PRSS3: variants seen among roughly 807,000 people sequenced by gnomAD.
The protein encoded by PRSS3 is trypsin-3.
Under a neutral mutation model 20.8 loss-of-function variants are expected in PRSS3, and 14 were observed. The observed-to-expected ratio is 0.67, with a 90% confidence interval of 0.44 to 1.05. The LOEUF is 1.05. PRSS3 is among the 50% of genes least tolerant of loss of function. The pLI is 0.00. For synonymous variants in PRSS3, 91 were observed against 117.6 expected, an observed-to-expected ratio of 0.77 and a Z score of 1.46; for missense variants, 237 against 306.4, an observed-to-expected ratio of 0.77 and a Z score of 1.69.
chr9:33,757,912 A>C (rs1281016251), intron 1 of PRSS3, among the ~76,000 whole-genome samples: 2 of 152,186 alleles, frequency 1.3e-5, no homozygotes, highest in African/African-American at 4.8e-5. Context: ...AACAAACTTG[A>C]AAGATATCTA....
chr9:33,794,712 G>A, upstream of PRSS3: 3 of 1,525,122 alleles, frequency 2.0e-6, no homozygotes. Context: ...TCAGCCCTGA[G>A]CAGGTGAGTC....
chr9:33,786,802 C>T (rs1824431489), intron 1 of PRSS3: 1 of 762,064 alleles, frequency 1.3e-6, no homozygotes, highest in East Asian at 2.4e-5. Flanking sequence ...CTGAAGACAG[C>T]AGCATATACC....
chr9:33,775,667 A>G (rs185541052), intron 1 of PRSS3, among the ~76,000 whole-genome samples: 28 of 151,976 alleles, frequency 1.8e-4, no homozygotes, highest in Non-Finnish European at 3.2e-4. Context: ...ACACAGATCA[A>G]CTAACAGGGG....
rs539229725 is a variant in PRSS3, at chr9:33,784,404, C to T, written c.-52-10342C>T. On this transcript the variant is annotated intron_variant, in intron 1 of 5. Coordinates refer to the PRSS3 transcript ENST00000342836. ...TCAAGAAAAACTGAAATATTCTATA[C>T]GTTTTACTACTTCCACTTAGCAGAG... 2.6e-5 allele frequency among the ~76,000 whole-genome samples: 4 copies of T among 152,282 alleles called. No individual in the cohort carries two copies. In the South Asian group the frequency reaches 8.3e-4, roughly 32 times the overall value.
At chr9:33,793,241 T>C (rs552712228), upstream of PRSS3, among the ~76,000 whole-genome samples, 1 of 152,336 alleles carries the variant, frequency 6.6e-6, no homozygotes, top group African/African-American at 2.4e-5. Context: ...CAAAAAAAGT[T>C]TCCATCTTCT....
At chr9:33,793,578 G>C (rs1824740507), upstream of PRSS3, 1 of 650,476 alleles carries the variant, frequency 1.5e-6, no homozygotes, top group Non-Finnish European at 1.9e-6. Context: ...ATTTCTGCCA[G>C]GAAGAAAAGC....
rs573155654 is a variant in PRSS3, at chr9:33,798,405, A to G, written c.455-81A>G. 471 of 1,584,890 alleles carry G rather than the reference A, an allele frequency of 3.0e-4. 5 individuals carry two copies. In the South Asian group the frequency reaches 4.6e-3, roughly 16 times the overall value. Reference sequence around the variant, plus strand: ...TCTCCAGAGGCAGTGTTCCTCTTCAATGTTCCATCCCAGATTATTGTCTCC... The same window carrying G: ...TCTCCAGAGGCAGTGTTCCTCTTCAGTGTTCCATCCCAGATTATTGTCTCC... On this transcript the variant is annotated intron_variant, in intron 3 of 4. Transcript: ENST00000379405.
At chr9:33,759,397 A>G (rs886334431) in intron 1 of PRSS3, among the ~76,000 whole-genome samples, 1 of 152,160 alleles carries the variant, frequency 6.6e-6, no homozygotes. Context: ...TGAGAGCCCA[A>G]ATGAGATCAT....
intron 2 of PRSS3, 135 bp downstream of exon 2, chr9:33,796,937 T>G: frequency 1.4e-6 from 2 of 1,432,024 alleles, no homozygotes; most frequent in East Asian, 4.8e-5. Context: ...TGACAGCAGC[T>G]GACTCTCCAG....
rs1464366875 is a variant in PRSS3 at position 33,799,091 on chromosome 9, G to A, written c.655G>A (p.Gly219Ser). The A allele has an allele frequency of 6.2e-6, 10 of 1,613,810 alleles. No individual in the cohort carries two copies. Among genetic ancestry groups the A allele is most frequent in the Non-Finnish European group, 8.5e-6 (10 of 1,179,928 alleles). ...QLQGVVSWGH[G>S]CAWKNRPGVY... is the part of the protein sequence containing the mutation. ...CCAAGGAGTTGTCTCCTGGGGCCATGGCTGTGCCTGGAAGAACAGGCCTGG... is the reference window on the plus strand; with the variant it reads ...CCAAGGAGTTGTCTCCTGGGGCCATAGCTGTGCCTGGAAGAACAGGCCTGG... The change falls in exon 5 of 5, where the codon GGC (glycine) becomes AGC (serine). Residue 219 changes from glycine (G) to serine (S), a missense_variant. Coordinates refer to ENST00000379405, the MANE Select transcript of PRSS3 (RefSeq NM_002771.4).
intron 1 of PRSS3, among the ~76,000 whole-genome samples, chr9:33,773,098 T>A (rs1003725238): frequency 6.6e-6 from 1 of 152,238 alleles, no homozygotes; most frequent in Non-Finnish European, 1.5e-5. Context: ...TTCCTCTCTC[T>A]TCTTCTGTGC....
chr9:33,755,258 T>G (rs547912561), intron 1 of PRSS3, among the ~76,000 whole-genome samples: 4 of 152,358 alleles, frequency 2.6e-5, no homozygotes, highest in African/African-American at 9.6e-5. Context: ...ATTACTTTAT[T>G]TTTTAATTTT....
chr9:33,786,305 G>A, intron 1 of PRSS3: 4 of 573,218 alleles, frequency 7.0e-6, no homozygotes, highest in East Asian at 2.9e-5. Context: ...GCTGGGTAGA[G>A]AGGTGGAAAG....
intron 1 of PRSS3, among the ~76,000 whole-genome samples, chr9:33,782,524 A>G (rs1824229603): frequency 6.6e-6 from 1 of 152,218 alleles, no homozygotes. Context: ...ACTCTAGAAT[A>G]ATCAAAACGT....
chr9:33,781,207 C>A (rs910136845), intron 1 of PRSS3, among the ~76,000 whole-genome samples: 15 of 152,158 alleles, frequency 9.9e-5, no homozygotes, highest in African/African-American at 3.6e-4. Context: ...CCAAAGGAAA[C>A]TAGATCATTA....
chr9:33,764,990 TAAC>T (rs1377102019), intron 1 of PRSS3, among the ~76,000 whole-genome samples: 4 of 152,336 alleles, frequency 2.6e-5, no homozygotes, highest in Non-Finnish European at 5.9e-5. Flanking sequence ...AAAAAAGACA[TAAC>T]AAGTGTTGGC....
rs778294764 is a variant in PRSS3, at chr9:33,796,751, G to C, written c.149G>C (p.Gly50Ala). The C allele has an allele frequency of 1.9e-6, 3 of 1,614,002 alleles. No homozygotes were observed. Among genetic ancestry groups the C allele is most frequent in the Non-Finnish European group, 2.5e-6 (3 of 1,179,862 alleles). ...AATTCTGGCTCCCACTTCTGCGGTG[G>C]CTCCCTCATCAGCGAACAGTGGGTG... Reference protein sequence around the residue: ...SLNSGSHFCGGSLISEQWVVS... With the variant: ...SLNSGSHFCGASLISEQWVVS... Residue 50 changes from glycine (G) to alanine (A), a missense_variant, in exon 2 of 5, where the codon GGC becomes GCC. Gly to Ala is a moderately conservative substitution (Grantham distance 60). Transcript: ENST00000379405.
intron 1 of PRSS3, among the ~76,000 whole-genome samples, chr9:33,782,259 CA>C (rs1457198847): frequency 2.0e-5 from 3 of 152,166 alleles, no homozygotes; most frequent in African/African-American, 7.2e-5. Context: ...AAAAATGGAA[CA>C]GGGGGAGTCA....
chr9:33,780,559 TA>T, intron 1 of PRSS3, among the ~76,000 whole-genome samples: 1 of 152,120 alleles, frequency 6.6e-6, no homozygotes, highest in Non-Finnish European at 1.5e-5. Context: ...CTATCAATAC[TA>T]ATCTTGAATA....
Sources: allele counts gnomAD v4.1 joint callset (sites outside exome capture counted in the v4.1 genomes callset), GRCh38; gene constraint gnomAD v4.1.1; transcripts MANE v1.5; gene names NCBI Gene and HGNC (gene_info 2026-07-23, HGNC 2026-07-21).